Variants in EFCAB11 observed in about 807,000 individuals in gnomAD.
EFCAB11 encodes the protein EF-hand calcium-binding domain-containing protein 11.
EFCAB11 carries 14 observed loss-of-function variants against 23.0 expected under a neutral mutation model. The ratio of observed to expected loss-of-function variants is 0.61; its 90% CI spans 0.40 to 0.95. The LOEUF (loss-of-function observed/expected upper bound fraction) is 0.95, where lower values mean the gene tolerates loss of function less well. Ranked by LOEUF, EFCAB11 falls within the 40% of genes least tolerant of loss-of-function variation. The probability of loss-of-function intolerance (pLI) is 0.00; values close to 1 mark genes in which losing one functional copy is unlikely to be tolerated. For missense variants in EFCAB11, 198 were observed against 195.8 expected (o/e 1.01, Z -0.07); for synonymous variants, 65 against 66.6 (o/e 0.98, Z 0.11).
intron 5 of EFCAB11, among the ~76,000 whole-genome samples, chr14:89,801,762 G>A (rs530293187): frequency 8.5e-5 from 13 of 152,140 alleles, no homozygotes; most frequent in East Asian, 5.8e-4. Flanking sequence ...GGGAGGCCGC[G>A]GCAGGTGGAT....
chr14:89,873,972 T>C (rs188192508), intron 5 of EFCAB11, among the ~76,000 whole-genome samples: 106 of 152,338 alleles, frequency 7.0e-4, no homozygotes, highest in South Asian at 5.8e-3. Context: ...CTAGTCCCAG[T>C]GGGGACTCTG....
At chr14:89,877,507 A>C (rs1888476788) in intron 5 of EFCAB11, among the ~76,000 whole-genome samples, 1 of 152,148 alleles carries the variant, frequency 6.6e-6, no homozygotes, top group Non-Finnish European at 1.5e-5. Flanking sequence ...ACATGATCTT[A>C]TTTCCTTGCT....
At chr14:89,867,155 T>C (rs1360270367) in intron 5 of EFCAB11, among the ~76,000 whole-genome samples, 1 of 152,238 alleles carries the variant, frequency 6.6e-6, no homozygotes, top group East Asian at 1.9e-4. Context: ...CCAGGTCTCC[T>C]GCCTCACCAT....
chr14:89,909,353 G>A (rs1042055575), intron 5 of EFCAB11, among the ~76,000 whole-genome samples: 1 of 152,174 alleles, frequency 6.6e-6, no homozygotes, highest in African/African-American at 2.4e-5. Flanking sequence ...CAAGGTGGGC[G>A]GATCACCTAT....
At chr14:89,813,104 T>A (rs1886204180) in intron 5 of EFCAB11, among the ~76,000 whole-genome samples, 1 of 152,074 alleles carries the variant, frequency 6.6e-6, no homozygotes, top group Non-Finnish European at 1.5e-5. Flanking sequence ...TTATTAGCAA[T>A]TGGAGAAATA....
rs138880443 is a variant in EFCAB11, at chr14:89,949,490, G to T, written c.217+607C>A. ...AGCAATTCTCCTGCATCAGTCTCCA[G>T]AGTAGCTGGGATTATAGGTGCCTGC... is the stretch of plus-strand genomic sequence containing the variant. On this transcript the variant is annotated intron_variant, in intron 3 of 5. Transcript: ENST00000316738. Among the ~76,000 whole-genome samples the T allele has an allele frequency of 5.5e-3, 838 of 151,560 alleles. 9 individuals are homozygous for T. The highest frequency in any genetic ancestry group is 0.019 in the African/African-American group (804 of 41,466).
intron 5 of EFCAB11, among the ~76,000 whole-genome samples, chr14:89,889,331 C>T (rs556104454): frequency 6.6e-6 from 1 of 152,272 alleles, no homozygotes; most frequent in South Asian, 2.1e-4. Context: ...TACTATGAAT[C>T]CTGTTTTACT....
intron 5 of EFCAB11, among the ~76,000 whole-genome samples, chr14:89,804,884 T>A (rs1885917570): frequency 6.6e-6 from 1 of 152,224 alleles, no homozygotes; most frequent in African/African-American, 2.4e-5. Flanking sequence ...AATATACATG[T>A]CTTATTAATA....
chr14:89,899,811 T>C (rs969621539), intron 5 of EFCAB11, among the ~76,000 whole-genome samples: 1 of 152,108 alleles, frequency 6.6e-6, no homozygotes, highest in Admixed American at 6.5e-5. Context: ...AAACTAGAGT[T>C]CAGTAACAAG....
At chr14:89,941,332 G>A (rs1890783247) in intron 3 of EFCAB11, among the ~76,000 whole-genome samples, 1 of 152,096 alleles carries the variant, frequency 6.6e-6, no homozygotes. Context: ...TTCTACTCCT[G>A]ACTTCAACTC....
intron 5 of EFCAB11, among the ~76,000 whole-genome samples, chr14:89,917,316 T>C (rs1889882750): frequency 6.6e-6 from 1 of 152,210 alleles, no homozygotes; most frequent in Non-Finnish European, 1.5e-5. Context: ...CTAGTTTAGA[T>C]GTCACATATA....
At chr14:89,849,579 T>G (rs1887536723) in intron 5 of EFCAB11, among the ~76,000 whole-genome samples, 1 of 150,948 alleles carries the variant, frequency 6.6e-6, no homozygotes, top group Non-Finnish European at 1.5e-5. Context: ...GTAATAAGTA[T>G]GCATTGCTTT....
intron 3 of EFCAB11, among the ~76,000 whole-genome samples, chr14:89,947,884 T>A (rs907844856): frequency 6.6e-6 from 1 of 152,224 alleles, no homozygotes; most frequent in African/African-American, 2.4e-5. Context: ...AACTTACTTC[T>A]GAAATTCATC....
chr14:89,946,739 T>A (rs1444863095), intron 3 of EFCAB11, among the ~76,000 whole-genome samples: 2 of 151,826 alleles, frequency 1.3e-5, no homozygotes, highest in South Asian at 2.1e-4. Context: ...CTGGCTTTTT[T>A]TTTTTTTTTG....
At chr14:89,818,999 C>A (rs1005451240) in intron 5 of EFCAB11, among the ~76,000 whole-genome samples, 1 of 152,196 alleles carries the variant, frequency 6.6e-6, no homozygotes, top group Admixed American at 6.5e-5. Context: ...ATCTACCACA[C>A]GGTCCAGCCA....
chr14:89,884,798 G>A (rs773709420), intron 5 of EFCAB11, among the ~76,000 whole-genome samples: 2 of 152,212 alleles, frequency 1.3e-5, no homozygotes, highest in Non-Finnish European at 2.9e-5. Flanking sequence ...TGGAGGTGGT[G>A]TCTTTGGGAA....
At chr14:89,885,591 C>T (rs1191489024) in intron 5 of EFCAB11, among the ~76,000 whole-genome samples, 2 of 151,382 alleles carry the variant, frequency 1.3e-5, no homozygotes, top group African/African-American at 2.4e-5. Context: ...GCAGAAGAAT[C>T]GCTTGAACCT....
In EFCAB11 at chr14:89,880,961, G is replaced by T. The variant is rs548262506; in HGVS notation, c.410+50580C>A. 2.1e-3 allele frequency among the ~76,000 whole-genome samples: 316 copies of T among 152,196 alleles called. 1 individual carries two copies. The highest frequency in any genetic ancestry group is 7.2e-3 in the African/African-American group (300 of 41,508). ...TTCCCCATCTATAAAATGGGGAAAG[G>T]ATAGAAGTCAGAACCATGGTCCATC... On this transcript the variant is annotated intron_variant, in intron 5 of 5. Transcript: ENST00000316738.
chr14:89,899,809 G>A (rs1889286017), intron 5 of EFCAB11, among the ~76,000 whole-genome samples: 1 of 152,164 alleles, frequency 6.6e-6, no homozygotes, highest in African/African-American at 2.4e-5. Context: ...AAAAACTAGA[G>A]TTCAGTAACA....
Sources: gnomAD v4.1 joint callset for allele counts (sites outside exome capture counted in the v4.1 genomes callset) on GRCh38, gnomAD v4.1.1 for gene constraint, MANE v1.5 for transcripts, NCBI Gene and HGNC (gene_info 2026-07-23, HGNC 2026-07-21) for gene names.